The following SPATA9 variants were observed in gnomAD, a reference collection of about 807,000 sequenced individuals.
The protein encoded by SPATA9 is spermatogenesis-associated protein 9.
A neutral mutation model predicts 25.5 loss-of-function variants in SPATA9; 27 were observed. The ratio of observed to expected loss-of-function variants is 1.06; its 90% CI spans 0.78 to 1.46. The LOEUF is 1.46. Ranked by LOEUF, SPATA9 falls within the 40% of genes most tolerant of loss-of-function variation. SPATA9 has a pLI of 0.00. For missense variants in SPATA9, 282 were observed against 297.5 expected (o/e 0.95, Z 0.38); for synonymous variants, 102 against 105.7 (o/e 0.97, Z 0.21).
chr5:95,683,141 CTATGA>C, upstream of SPATA9: 2 of 525,150 alleles, frequency 3.8e-6, no homozygotes, highest in Non-Finnish European at 5.5e-6. Flanking sequence ...CTAAGGAGTT[CTATGA>C]TATAAGTTGA....
chr5:95,711,346 A>C, the SPATA9 span, among the ~76,000 whole-genome samples: 2 of 152,210 alleles, frequency 1.3e-5, no homozygotes, highest in Admixed American at 6.5e-5. Context: ...AGCGGTTGGC[A>C]GTCATCCCAG....
At chr5:95,697,296 C>T (rs1754047840) in intron 1 of SPATA9, among the ~76,000 whole-genome samples, 1 of 152,142 alleles carries the variant, frequency 6.6e-6, no homozygotes, top group African/African-American at 2.4e-5. Context: ...AAGTTCACTC[C>T]CGTGGTTGCT....
At chr5:95,663,868 G>A (rs1751502580) in intron 4 of SPATA9, 85 bp downstream of exon 4, 1 of 628,634 alleles carries the variant, frequency 1.6e-6, no homozygotes, top group Non-Finnish European at 2.4e-6. Context: ...ATTAAATATT[G>A]TACAGTATAC....
At chr5:95,689,509 T>C (rs1753832272) in intron 1 of SPATA9, among the ~76,000 whole-genome samples, 3 of 152,172 alleles carry the variant, frequency 2.0e-5, no homozygotes, top group Admixed American at 1.3e-4. Context: ...AAAGGATTTA[T>C]TTGGAGTGAA....
At chr5:95,695,512 C>T (rs578010202) in intron 1 of SPATA9, among the ~76,000 whole-genome samples, 2 of 152,222 alleles carry the variant, frequency 1.3e-5, no homozygotes, top group African/African-American at 2.4e-5. Context: ...GCAGGAGAAT[C>T]GCTTGGACCC....
the SPATA9 span, chr5:95,730,902 G>T: frequency 3.7e-5 from 17 of 456,292 alleles, no homozygotes; most frequent in Admixed American, 2.1e-4. Context: ...ACGTGGTAAA[G>T]CACTTTCGGT....
downstream of SPATA9, chr5:95,656,103 G>C: frequency 1.9e-6 from 3 of 1,613,636 alleles, no homozygotes; most frequent in Non-Finnish European, 2.5e-6. Flanking sequence ...AATTACTTTG[G>C]CAACAGGAGA....
intron 1 of SPATA9, among the ~76,000 whole-genome samples, chr5:95,697,537 T>A (rs1754054856): frequency 6.6e-6 from 1 of 152,158 alleles, no homozygotes; most frequent in South Asian, 2.1e-4. Context: ...AATCTCAGTA[T>A]GATAGCTCAT....
chr5:95,704,064 T>TAC, the SPATA9 span, among the ~76,000 whole-genome samples: 7,064 of 150,294 alleles, frequency 0.047, 513 homozygotes, highest in African/African-American at 0.16. Flanking sequence ...TATACACACA[T>TAC]ACACACACAC....
chr5:95,652,942 C>G (rs1750445360), downstream of SPATA9: 1 of 803,498 alleles, frequency 1.2e-6, no homozygotes, highest in Admixed American at 3.3e-5. Flanking sequence ...TTCACACTTT[C>G]CTGCTTTATA....
chr5:95,697,229 T>C (rs1181272677), intron 1 of SPATA9, among the ~76,000 whole-genome samples: 2 of 152,130 alleles, frequency 1.3e-5, no homozygotes, highest in African/African-American at 4.8e-5. Flanking sequence ...AACTGAGAGA[T>C]GGTCCAATTC....
chr5:95,710,303 C>T, the SPATA9 span, among the ~76,000 whole-genome samples: 1 of 152,136 alleles, frequency 6.6e-6, no homozygotes, highest in South Asian at 2.1e-4. Context: ...GATTCAAACA[C>T]CATGTGGGAG....
chr5:95,718,709 G>A, the SPATA9 span, among the ~76,000 whole-genome samples: 3 of 152,172 alleles, frequency 2.0e-5, no homozygotes, highest in Non-Finnish European at 4.4e-5. Flanking sequence ...CACACACTAA[G>A]GTTGATCCAG....
chr5:95,731,151 G>T, the SPATA9 span: 2 of 1,017,066 alleles, frequency 2.0e-6, no homozygotes, highest in Non-Finnish European at 1.2e-6. Flanking sequence ...CGCCCCGCGC[G>T]GGCGGCTCCT....
downstream of SPATA9, chr5:95,656,367 CT>C: frequency 7.2e-7 from 1 of 1,391,606 alleles, no homozygotes; most frequent in East Asian, 2.3e-5. Context: ...TTTAGAATAA[CT>C]CTGCTTCAGT....
intron 3 of SPATA9, among the ~76,000 whole-genome samples, chr5:95,671,180 G>T (rs1215539814): frequency 6.6e-6 from 1 of 152,082 alleles, no homozygotes; most frequent in Non-Finnish European, 1.5e-5. Context: ...CCTACTCCAA[G>T]ACTCAGATAC....
intron 4 of SPATA9, among the ~76,000 whole-genome samples, chr5:95,660,094 C>G (rs1203713955): frequency 6.6e-6 from 1 of 152,072 alleles, no homozygotes; most frequent in Non-Finnish European, 1.5e-5. Flanking sequence ...AACTGAGTAG[C>G]TTACAAACAA....
chr5:95,699,137 T>G (rs1017876585), upstream of SPATA9, among the ~76,000 whole-genome samples: 2 of 152,218 alleles, frequency 1.3e-5, no homozygotes, highest in Non-Finnish European at 2.9e-5. Flanking sequence ...TATATTTTAA[T>G]GAAGGAACAA....
intron 4 of SPATA9, 122 bp from the exon 5 acceptor site, chr5:95,659,035 CTTCTT>C (rs769862863): frequency 4.6e-5 from 59 of 1,280,454 alleles, no homozygotes; most frequent in African/African-American, 3.3e-4. Flanking sequence ...ATAAAAAACA[CTTCTT>C]TTCAGGACCT....
Sources: gnomAD v4.1 joint callset for allele counts (sites outside exome capture counted in the v4.1 genomes callset) on GRCh38, gnomAD v4.1.1 for gene constraint, MANE v1.5 for transcripts, NCBI Gene and HGNC (gene_info 2026-07-23, HGNC 2026-07-21) for gene names.